DIAPH2: variants seen among roughly 807,000 people sequenced by gnomAD.
The protein encoded by DIAPH2 is diaphanous related formin 2, also known as protein diaphanous homolog 2.
In DIAPH2, 35 loss-of-function variants were observed where a neutral mutation model predicts 92.7. The ratio of observed to expected loss-of-function variants is 0.38; its 90% CI spans 0.29 to 0.50. The LOEUF (loss-of-function observed/expected upper bound fraction) is 0.50, where lower values mean the gene tolerates loss of function less well. DIAPH2 is among the 20% of genes least tolerant of loss of function. The pLI is 0.94. For synonymous variants in DIAPH2, 301 were observed against 280.4 expected (o/e 1.07, Z -0.73); for missense variants, 701 against 819.5 (o/e 0.86, Z 1.77).
intron 9 of DIAPH2, among the ~76,000 whole-genome samples, chrX:96,925,284 C>A (rs2065573495): frequency 9.0e-6 from 1 of 110,940 alleles, no homozygotes; most frequent in Non-Finnish European, 1.9e-5. Context: ...AATCCTCTCT[C>A]CAGCCTTGAC....
At chrX:96,885,231 C>G in intron 5 of DIAPH2, 1 of 534,368 alleles carries the variant, frequency 1.9e-6, no homozygotes. Flanking sequence ...CGCTGCTTTT[C>G]TAACTGCTTT....
In DIAPH2 at chrX:96,880,803, G is replaced by A. The variant is rs535090945; in HGVS notation, c.448-776G>A. On this transcript the variant is annotated intron_variant, in intron 4 of 26. Transcript: ENST00000324765. ...CAGTTGTTAGTATAGTGAATGTGTT[G>A]ACAATATTTTCCTCCCAGCCTTTTC... Among the ~76,000 whole-genome samples the A allele has an allele frequency of 2.3e-4, 26 of 111,050 alleles. No individual in the cohort carries two copies. The South Asian group carries it at 1.0e-2, about 43-fold the overall frequency.
chrX:96,898,711 G>T (rs2147767896), intron 5 of DIAPH2, among the ~76,000 whole-genome samples: 1 of 106,697 alleles, frequency 9.4e-6, no homozygotes, highest in Non-Finnish European at 1.9e-5. Flanking sequence ...CTTTTGCTGT[G>T]CAGAAGCTCT....
intron 26 of DIAPH2, among the ~76,000 whole-genome samples, chrX:97,460,385 A>G (rs1331150775): frequency 8.9e-6 from 1 of 112,277 alleles, no homozygotes; most frequent in Non-Finnish European, 1.9e-5. Context: ...GCAGCAGTAA[A>G]AAAGGAGAGA....
intron 17 of DIAPH2, among the ~76,000 whole-genome samples, chrX:97,008,192 G>C (rs2066198090): frequency 9.3e-6 from 1 of 107,276 alleles, no homozygotes; most frequent in Non-Finnish European, 1.9e-5. Context: ...TATCATTTCT[G>C]CTCTTAAGAG....
intron 25 of DIAPH2, among the ~76,000 whole-genome samples, chrX:97,388,948 A>G (rs1056051301): frequency 8.9e-6 from 1 of 111,758 alleles, no homozygotes; most frequent in Non-Finnish European, 1.9e-5. Flanking sequence ...TCTCATACCT[A>G]CTTTTCTATT....
chrX:97,134,612 A>G (rs1196058203), intron 21 of DIAPH2, among the ~76,000 whole-genome samples: 3 of 111,233 alleles, frequency 2.7e-5, no homozygotes, highest in Non-Finnish European at 5.7e-5. Context: ...CCAAATTTGC[A>G]TTTCTAACAA....
At chrX:97,208,401 C>G (rs767056146) in intron 22 of DIAPH2, among the ~76,000 whole-genome samples, 1 of 111,987 alleles carries the variant, frequency 8.9e-6, no homozygotes, top group Non-Finnish European at 1.9e-5. Context: ...AAGGAGTCAA[C>G]CAGTTCTGCA....
chrX:96,828,310 A>T (rs766689091), intron 4 of DIAPH2, among the ~76,000 whole-genome samples: 4 of 111,433 alleles, frequency 3.6e-5, no homozygotes, highest in African/African-American at 1.3e-4. Flanking sequence ...GGATCAGCTC[A>T]TTCTCTCCTA....
chrX:97,057,483 C>T (rs1359842183), intron 17 of DIAPH2, among the ~76,000 whole-genome samples: 2 of 111,615 alleles, frequency 1.8e-5, no homozygotes, highest in Non-Finnish European at 3.8e-5. Context: ...GTCGTATTGG[C>T]AGGCCACCTA....
intron 17 of DIAPH2, among the ~76,000 whole-genome samples, chrX:97,067,946 A>G (rs2066644465): frequency 9.0e-6 from 1 of 111,641 alleles, no homozygotes; most frequent in African/African-American, 3.2e-5. Context: ...ACCTACAAGC[A>G]GAAATGTTGG....
At chrX:97,343,264 C>T (rs1364338513) in intron 23 of DIAPH2, among the ~76,000 whole-genome samples, 3 of 111,221 alleles carry the variant, frequency 2.7e-5, no homozygotes, top group African/African-American at 6.5e-5. Context: ...TAAATTTGGG[C>T]GTCATCAATA....
At chrX:97,545,953 A>G (rs922115310) in intron 26 of DIAPH2, among the ~76,000 whole-genome samples, 1 of 111,194 alleles carries the variant, frequency 9.0e-6, no homozygotes, top group African/African-American at 3.3e-5. Context: ...ATGGAAGGGT[A>G]TAGTTCTTTC....
chrX:97,130,740 G>C (rs1255497911), intron 21 of DIAPH2, among the ~76,000 whole-genome samples: 5 of 111,488 alleles, frequency 4.5e-5, no homozygotes, highest in Non-Finnish European at 9.4e-5. Context: ...CTTAAACATG[G>C]TTAAAGGCAA....
chrX:97,388,942 A>T (rs966952861), intron 25 of DIAPH2, among the ~76,000 whole-genome samples: 2 of 111,898 alleles, frequency 1.8e-5, no homozygotes, highest in East Asian at 5.6e-4. Flanking sequence ...CTTGATTCTC[A>T]TACCTACTTT....
chrX:96,962,496 CATATAT>C (rs761811314), intron 16 of DIAPH2, among the ~76,000 whole-genome samples: 2,624 of 44,738 alleles, frequency 0.059, 286 homozygotes, highest in African/African-American at 0.2. Context: ...CACACACACA[CATATAT>C]ATATATATAT....
intron 25 of DIAPH2, among the ~76,000 whole-genome samples, chrX:97,387,714 A>G (rs1412730912): frequency 8.9e-6 from 1 of 112,100 alleles, no homozygotes; most frequent in Non-Finnish European, 1.9e-5. Flanking sequence ...TGGCCCAGCC[A>G]AGTTGACATA....
At chrX:96,916,417 G>GTTTT (rs56682273) in intron 7 of DIAPH2, 21 bp from the exon 8 acceptor site, 180 of 881,075 alleles carry the variant, frequency 2.0e-4, no homozygotes, top group South Asian at 4.7e-4. Flanking sequence ...CTGAATGAAG[G>GTTTT]TTTTTTTTTT....
intron 23 of DIAPH2, among the ~76,000 whole-genome samples, chrX:97,253,011 G>A (rs148967939): frequency 3.4e-4 from 38 of 111,462 alleles, no homozygotes; most frequent in African/African-American, 1.1e-3. Context: ...AAGGGGGGCC[G>A]GGTGCAATGG....
Sources: gnomAD v4.1 joint callset for allele counts (sites outside exome capture counted in the v4.1 genomes callset) on GRCh38, gnomAD v4.1.1 for gene constraint, MANE v1.5 for transcripts, NCBI Gene and HGNC (gene_info 2026-07-23, HGNC 2026-07-21) for gene names.